Variants in ROR1 observed in about 807,000 individuals in gnomAD.
ROR1 encodes ROR family WNT receptor 1, also known as inactive tyrosine-protein kinase transmembrane receptor ROR1.
ROR1 carries 19 observed loss-of-function variants against 78.8 expected under a neutral mutation model. The observed-to-expected ratio is 0.24, with a 90% CI of 0.17 to 0.35. ROR1 has a LOEUF of 0.35. Among genes scored for constraint, ROR1 ranks in the 10% least tolerant of loss-of-function variants. The pLI is 1.00. For synonymous variants in ROR1, 386 were observed against 433.6 expected (o/e 0.89, Z 1.36); for missense variants, 917 against 1,177.8 (o/e 0.78, Z 3.24).
At chr1:63,794,821 G>T (rs145843918) in intron 1 of ROR1, among the ~76,000 whole-genome samples, 3 of 152,156 alleles carry the variant, frequency 2.0e-5, no homozygotes, top group Admixed American at 2.0e-4. Flanking sequence ...CTGTATGCCC[G>T]GGACTGTGCT....
chr1:63,965,371 C>T (rs1646065441), intron 1 of ROR1, among the ~76,000 whole-genome samples: 1 of 152,094 alleles, frequency 6.6e-6, no homozygotes, highest in South Asian at 2.1e-4. Context: ...CAAAAGTTGC[C>T]AGTACTAACT....
chr1:64,088,309 CTATT>C (rs1414502729), intron 4 of ROR1, among the ~76,000 whole-genome samples: 2 of 152,080 alleles, frequency 1.3e-5, no homozygotes, highest in Non-Finnish European at 2.9e-5. Context: ...TGAGGAGTAA[CTATT>C]AGAGTCTTAC....
intron 2 of ROR1, among the ~76,000 whole-genome samples, chr1:64,032,624 C>A (rs943574452): frequency 1.3e-5 from 2 of 152,140 alleles, no homozygotes; most frequent in Admixed American, 6.5e-5. Flanking sequence ...AGCCTTATAA[C>A]ATCATAGCTT....
chr1:63,874,590 A>C (rs1645272417), intron 1 of ROR1, among the ~76,000 whole-genome samples: 1 of 152,150 alleles, frequency 6.6e-6, no homozygotes, highest in African/African-American at 2.4e-5. Context: ...TCCACTTCTG[A>C]AGTACAAAAG....
At chr1:64,072,468 C>T (rs1476461917) in intron 4 of ROR1, among the ~76,000 whole-genome samples, 1 of 152,126 alleles carries the variant, frequency 6.6e-6, no homozygotes, top group Admixed American at 6.5e-5. Context: ...TGCCAGTTCC[C>T]TGACAGCCTG....
chr1:64,007,765 C>T (rs1006600372), intron 1 of ROR1, among the ~76,000 whole-genome samples: 12 of 152,088 alleles, frequency 7.9e-5, no homozygotes, highest in African/African-American at 2.9e-4. Context: ...GGTAACAATT[C>T]CAAACACGAC....
chr1:63,895,988 C>T (rs1417309476), intron 1 of ROR1, among the ~76,000 whole-genome samples: 1 of 151,994 alleles, frequency 6.6e-6, no homozygotes, highest in African/African-American at 2.4e-5. Flanking sequence ...GCTCACAGGT[C>T]GCTAGATGGA....
At chr1:64,119,942 A>C (rs1648467565) in intron 4 of ROR1, among the ~76,000 whole-genome samples, 1 of 152,194 alleles carries the variant, frequency 6.6e-6, no homozygotes, top group Non-Finnish European at 1.5e-5. Context: ...CACTTTCTTA[A>C]AAAGGGGTCT....
Position 64,049,962 on chromosome 1 carries a change from C to A in ROR1, c.435C>A (p.Val145=), listed in dbSNP as rs773252032. 3 of 1,614,042 alleles carry A rather than the reference C, an allele frequency of 1.9e-6. No homozygotes were observed. Among genetic ancestry groups the A allele is most frequent in the Admixed American group, 3.3e-5 (2 of 59,996 alleles). Residue 145 remains valine (V), a synonymous_variant, in exon 3 of 9, where the codon GTC becomes GTA. Transcript: ENST00000371079. ...AGGAGGTGGTTTCTTCCACTGGAGT[C>A]TTGTTTGTCAAGTTTGGTAAGCAGA... The part of the protein sequence containing the change: ...NGKEVVSSTG[V]LFVKFGPPPT...
chr1:63,978,899 A>G (rs924477911), intron 1 of ROR1, among the ~76,000 whole-genome samples: 2 of 152,198 alleles, frequency 1.3e-5, no homozygotes, highest in Admixed American at 1.3e-4. Flanking sequence ...AGACCAGGAA[A>G]GGGCCGATGC....
intron 1 of ROR1, among the ~76,000 whole-genome samples, chr1:63,898,919 A>G (rs1645463743): frequency 6.6e-6 from 1 of 152,030 alleles, no homozygotes; most frequent in African/African-American, 2.4e-5. Context: ...GGACAAAAAT[A>G]TCTCCCTGTT....
intron 4 of ROR1, among the ~76,000 whole-genome samples, chr1:64,084,996 G>A (rs141144659): frequency 3.7e-4 from 56 of 152,242 alleles, no homozygotes; most frequent in African/African-American, 1.2e-3. Flanking sequence ...CTTTCTCATA[G>A]CATACTAGTA....
intron 1 of ROR1, among the ~76,000 whole-genome samples, chr1:63,784,733 G>A (rs1644673561): frequency 6.6e-6 from 1 of 152,148 alleles, no homozygotes; most frequent in Non-Finnish European, 1.5e-5. Context: ...CCATAATGGT[G>A]CCTACCATGA....
intron 4 of ROR1, among the ~76,000 whole-genome samples, chr1:64,096,600 T>C (rs1246473951): frequency 1.3e-5 from 2 of 152,222 alleles, no homozygotes; most frequent in Non-Finnish European, 2.9e-5. Flanking sequence ...TTGTATTCCA[T>C]GGAGTATATT....
chr1:64,102,567 A>ACTGT (rs1647600084), intron 4 of ROR1, among the ~76,000 whole-genome samples: 1 of 152,158 alleles, frequency 6.6e-6, no homozygotes, highest in South Asian at 2.1e-4. Context: ...ATAAATGTCC[A>ACTGT]CTGTATGCCA....
rs571893721 is a variant in ROR1, at chr1:64,143,028, G to C, written c.1174+378G>C. ...GGAATATTGGAAGCAGGAAGAAATT[G>C]TTTTCTGTATGCCTTAAGAACACCA... On this transcript the variant is annotated intron_variant, in intron 7 of 8. Coordinates refer to ENST00000371079, the MANE Select transcript of ROR1 (RefSeq NM_005012.4). 14 of 1,090,798 alleles carry C rather than the reference G, an allele frequency of 1.3e-5. No homozygotes were observed. The African/African-American group carries it at 1.8e-4, about 14-fold the overall frequency. The allele number at this position is 1,090,798 out of a possible 1,614,324, so 67.6% of individuals were successfully genotyped here.
At chr1:63,792,086 G>A (rs1644730228) in intron 1 of ROR1, among the ~76,000 whole-genome samples, 1 of 152,158 alleles carries the variant, frequency 6.6e-6, no homozygotes, top group Admixed American at 6.5e-5. Flanking sequence ...AGGAGGTGGG[G>A]TGGGTGCTGT....
chr1:63,843,043 G>C (rs1314719372), intron 1 of ROR1, among the ~76,000 whole-genome samples: 3 of 152,070 alleles, frequency 2.0e-5, no homozygotes, highest in Non-Finnish European at 4.4e-5. Flanking sequence ...GGAGTGGGGG[G>C]ATCTGTTTGG....
chr1:63,882,525 TGTCTC>T (rs1645330052), intron 1 of ROR1, among the ~76,000 whole-genome samples: 1 of 152,198 alleles, frequency 6.6e-6, no homozygotes. Context: ...TGAAACCAGA[TGTCTC>T]AAACAGCTTG....
Sources: allele counts gnomAD v4.1 joint callset (sites outside exome capture counted in the v4.1 genomes callset), GRCh38; gene constraint gnomAD v4.1.1; transcripts MANE v1.5; gene names NCBI Gene and HGNC (gene_info 2026-07-23, HGNC 2026-07-21).